IREB2: variants seen among roughly 807,000 people sequenced by gnomAD.
IREB2 encodes the protein iron responsive element binding protein 2, also known as iron-responsive element-binding protein 2.
A neutral mutation model predicts 118.8 loss-of-function variants in IREB2; 39 were observed. That is an observed-to-expected ratio of 0.33 (90% CI 0.25 to 0.43). The LOEUF (loss-of-function observed/expected upper bound fraction) is 0.43, where lower values mean the gene tolerates loss of function less well. Ranked by LOEUF, IREB2 falls within the 20% of genes least tolerant of loss-of-function variation. IREB2 has a pLI of 1.00. For synonymous variants in IREB2, 372 were observed against 392.2 expected (o/e 0.95, Z 0.61); for missense variants, 900 against 1,147.3 (o/e 0.78, Z 3.11).
intron 4 of IREB2, among the ~76,000 whole-genome samples, chr15:78,466,048 G>A (rs867310434): frequency 1.3e-5 from 2 of 152,060 alleles, no homozygotes; most frequent in African/African-American, 2.4e-5. Flanking sequence ...TTTACTGGAC[G>A]CTTAGAATTC....
chr15:78,485,779 A>G lies in IREB2; in HGVS notation c.1648A>G (p.Ser550Gly), dbSNP rs1455166281. The G allele has an allele frequency of 1.9e-6, 3 of 1,613,876 alleles. No homozygotes were observed. Among genetic ancestry groups the G allele is most frequent in the Admixed American group, 1.7e-5 (1 of 60,012 alleles). Residue 550 changes from serine to glycine, a missense_variant, in exon 13 of 22, where the codon AGT becomes GGT. Physicochemically the swap from Ser to Gly is moderately conservative, Grantham distance 56. Coordinates refer to ENST00000258886, the MANE Select transcript of IREB2 (RefSeq NM_004136.4). ...TATAAGAACAAGTTTATCTCCAGGC[A>G]GTGGGATGGTTACACATTACCTCAG... is the stretch of plus-strand genomic sequence containing the variant. ...PYIRTSLSPG[S>G]GMVTHYLSSS...
intron 6 of IREB2, among the ~76,000 whole-genome samples, chr15:78,471,229 G>A (rs1191482475): frequency 6.6e-6 from 1 of 152,066 alleles, no homozygotes; most frequent in Non-Finnish European, 1.5e-5. Flanking sequence ...GGCTGGTCTC[G>A]AGCTCTTGGC....
At position 78,498,203 on chromosome 15, in the gene IREB2, C is replaced by A. The variant is rs2051872743; in HGVS notation, c.*60C>A. The A allele has an allele frequency of 8.8e-6, 8 of 904,086 alleles. No homozygotes were observed. In the Admixed American group the frequency reaches 1.1e-4, roughly 12 times the overall value. The allele number at this position is 904,086 out of a possible 1,614,324, so 56.0% of individuals were successfully genotyped here. ...AACTGCAAAGCCTTTTGTGCTGGACCCAGGAATCCTTACCATGGAGCAGCA... is the reference window on the plus strand; with the variant it reads ...AACTGCAAAGCCTTTTGTGCTGGACACAGGAATCCTTACCATGGAGCAGCA... On this transcript the variant is annotated 3_prime_UTR_variant, in exon 22 of 22. Coordinates refer to ENST00000258886, the MANE Select transcript of IREB2 (RefSeq NM_004136.4).
At chr15:78,455,290 A>G (rs1253762934) in intron 2 of IREB2, among the ~76,000 whole-genome samples, 2 of 152,186 alleles carry the variant, frequency 1.3e-5, no homozygotes, top group East Asian at 3.8e-4. Flanking sequence ...TCTGAAGTTT[A>G]GGAAGCTTGC....
chr15:78,491,562 A>G (rs2051751151), intron 18 of IREB2, among the ~76,000 whole-genome samples: 1 of 152,124 alleles, frequency 6.6e-6, no homozygotes, highest in African/African-American at 2.4e-5. Flanking sequence ...CAGTGGTGTG[A>G]TCTCAGCTCA....
intron 2 of IREB2, 87 bp from the exon 3 acceptor site, chr15:78,462,835 C>A: frequency 2.0e-6 from 2 of 1,010,520 alleles, no homozygotes; most frequent in Non-Finnish European, 2.9e-6. Flanking sequence ...GCATTTTTGT[C>A]TTTGTCTAAC....
Position 78,445,144 on chromosome 15 carries a change from T to A in IREB2, c.106+5263T>A, listed in dbSNP as rs988280839. Among the ~76,000 whole-genome samples, 13 of 151,616 alleles carry A rather than the reference T, an allele frequency of 8.6e-5. No individual in the cohort carries two copies. In the South Asian group the frequency reaches 1.2e-3, roughly 15 times the overall value. On this transcript the variant is annotated intron_variant, in intron 2 of 21. Transcript: ENST00000258886. ...TGTTGGTTCCAGTCTTTATTTTTTT[T>A]TTTTTTTTTTTGAGACAGAGTCTTG...
At chr15:78,492,878 A>G (rs1243189448) in intron 18 of IREB2, among the ~76,000 whole-genome samples, 2 of 152,096 alleles carry the variant, frequency 1.3e-5, no homozygotes, top group Non-Finnish European at 2.9e-5. Context: ...TTCTTTATAG[A>G]ACTTTTGTAC....
chr15:78,470,978 T>G (rs1405579801), intron 6 of IREB2: 2 of 153,646 alleles, frequency 1.3e-5, no homozygotes, highest in African/African-American at 4.9e-5. Context: ...ACTACAGGCA[T>G]GAGCCACCGT....
intron 2 of IREB2, among the ~76,000 whole-genome samples, chr15:78,449,224 T>A (rs908476222): frequency 2.0e-5 from 3 of 152,196 alleles, no homozygotes; most frequent in Non-Finnish European, 4.4e-5. Flanking sequence ...AAAATTTTTT[T>A]AAGTATTTGT....
chr15:78,466,198 T>C (rs2051278704), intron 4 of IREB2, 73 bp from the exon 5 acceptor site: 2 of 932,868 alleles, frequency 2.1e-6, no homozygotes, highest in Admixed American at 4.8e-5. Flanking sequence ...GTTGCTAATG[T>C]GCGTTTTTTT....
intron 2 of IREB2, among the ~76,000 whole-genome samples, chr15:78,452,465 A>G (rs2051041599): frequency 6.6e-6 from 1 of 152,172 alleles, no homozygotes; most frequent in Non-Finnish European, 1.5e-5. Flanking sequence ...AATTGAAGCC[A>G]TAGGAGCAGT....
rs2051792960 is a variant in IREB2, at chr15:78,493,824, A to G, written c.2325-85A>G. ...GTGTTTGAAATTTTCTGTGATAAAA[A>G]AATTTTTCAATAGGTCTTACAGCTC... is the stretch of plus-strand genomic sequence containing the variant. On this transcript the variant is annotated intron_variant, in intron 18 of 21. Coordinates refer to ENST00000258886, the MANE Select transcript of IREB2 (RefSeq NM_004136.4). The G allele has an allele frequency of 2.3e-6, 3 of 1,327,944 alleles. No homozygotes were observed. The Admixed American group carries it at 7.2e-5, about 32-fold the overall frequency. 82.3% of individuals were successfully genotyped at this position (1,327,944 alleles called of 1,614,324 possible).
chr15:78,470,234 G>A (rs117379759), intron 5 of IREB2, among the ~76,000 whole-genome samples: 245 of 152,248 alleles, frequency 1.6e-3, no homozygotes, highest in Non-Finnish European at 2.7e-3. Flanking sequence ...TTCTTGCAGC[G>A]GATAACCCAA....
chr15:78,484,906 T>TC lies in IREB2; in HGVS notation c.1560dup (p.Met521HisfsTer9). 1 of 1,613,430 alleles carries TC rather than the reference T, an allele frequency of 6.2e-7. No homozygotes were observed. Among genetic ancestry groups the TC allele is most frequent in the Non-Finnish European group, 8.5e-7 (1 of 1,179,686 alleles). The stretch of plus-strand genomic sequence containing the variant: ...TGTACCAATAATTGCAATCCATCTG[T>TC]CATGCTTGCTGCAGGTGGGTTGTGG... On this transcript the variant is annotated frameshift_variant, in exon 12 of 22. Transcript: ENST00000258886. LOFTEE classifies it high-confidence loss of function.
intron 3 of IREB2, among the ~76,000 whole-genome samples, chr15:78,464,699 C>T (rs2051252154): frequency 6.6e-6 from 1 of 152,158 alleles, no homozygotes; most frequent in Admixed American, 6.6e-5. Flanking sequence ...TTATTGTATG[C>T]AGCTATTATA....
At chr15:78,465,774 C>T (rs1391841148) in intron 4 of IREB2, among the ~76,000 whole-genome samples, 2 of 152,242 alleles carry the variant, frequency 1.3e-5, no homozygotes, top group East Asian at 3.9e-4. Context: ...TATTTTCCTT[C>T]CTCTGAAATA....
At chr15:78,471,210 T>C (rs912471566) in intron 6 of IREB2, among the ~76,000 whole-genome samples, 1 of 152,182 alleles carries the variant, frequency 6.6e-6, no homozygotes, top group Non-Finnish European at 1.5e-5. Flanking sequence ...GGTTTTGCCA[T>C]GTTGGCCAGG....
At chr15:78,478,200 C>CT in intron 9 of IREB2, 97 bp from the exon 10 acceptor site, 1 of 792,128 alleles carries the variant, frequency 1.3e-6, no homozygotes, top group Non-Finnish European at 2.1e-6. Context: ...CAGCACTGCG[C>CT]TCCAGCCTGG....
Sources: gnomAD v4.1 joint callset for allele counts (sites outside exome capture counted in the v4.1 genomes callset) on GRCh38, gnomAD v4.1.1 for gene constraint, MANE v1.5 for transcripts, NCBI Gene and HGNC (gene_info 2026-07-23, HGNC 2026-07-21) for gene names.